Variants in CEP89 observed in about 807,000 individuals in gnomAD.
The protein encoded by CEP89 is centrosomal protein 89, also known as centrosomal protein of 89 kDa.
Under a neutral mutation model 97.6 loss-of-function variants are expected in CEP89, and 95 were observed. The observed-to-expected ratio is 0.97, with a 90% CI of 0.82 to 1.15. The LOEUF (loss-of-function observed/expected upper bound fraction) is 1.15. Among genes scored for constraint, CEP89 ranks in the 50% most tolerant of loss-of-function variants. The probability of loss-of-function intolerance (pLI) is 0.00; values close to 1 mark genes in which losing one functional copy is unlikely to be tolerated. For missense variants in CEP89, 869 were observed against 947.7 expected (o/e 0.92, Z 1.09); for synonymous variants, 354 against 349.1 (o/e 1.01, Z -0.16).
rs182891141 is a variant in CEP89, at chr19:32,936,542, C to T, written c.667+1089G>A. Among the ~76,000 whole-genome samples, 5 of 152,256 alleles carry T rather than the reference C, an allele frequency of 3.3e-5. No homozygotes were observed. In the East Asian group the frequency reaches 9.7e-4, roughly 29 times the overall value. Reference sequence around the variant, plus strand: ...GGGACTGCAGTAGGAACTTATGGTGCCTTTTCCAGGCCCACCCATGGCCAC... The same window carrying T: ...GGGACTGCAGTAGGAACTTATGGTGTCTTTTCCAGGCCCACCCATGGCCAC... On this transcript the variant is annotated intron_variant, in intron 7 of 18. Coordinates refer to ENST00000305768, the MANE Select transcript of CEP89 (RefSeq NM_032816.5). This position sits in a 1 kb window ranked among gnomAD's most constrained non-coding sequence, Gnocchi z 4.5.
intron 5 of CEP89, among the ~76,000 whole-genome samples, chr19:32,941,692 C>T (rs1347540684): frequency 6.6e-6 from 1 of 152,092 alleles, no homozygotes; most frequent in African/African-American, 2.4e-5. Context: ...CCTGCCCTGT[C>T]CTTCTGAGTT....
intron 5 of CEP89, among the ~76,000 whole-genome samples, chr19:32,944,703 G>A (rs1007279589): frequency 6.6e-6 from 1 of 152,180 alleles, no homozygotes; most frequent in Non-Finnish European, 1.5e-5. Context: ...GGTCTGCAGA[G>A]AATCTAGGAA....
chr19:32,884,534 T>C (rs562580032), intron 17 of CEP89, among the ~76,000 whole-genome samples: 1 of 152,332 alleles, frequency 6.6e-6, no homozygotes, highest in South Asian at 2.1e-4. Context: ...AGTCTTTTTC[T>C]TTGCTTTTTT....
At chr19:32,881,639 A>G (rs1969283249) in intron 18 of CEP89, among the ~76,000 whole-genome samples, 1 of 152,258 alleles carries the variant, frequency 6.6e-6, no homozygotes, top group East Asian at 1.9e-4. Flanking sequence ...CCGGAAGTCC[A>G]GTTCAAACAA....
At chr19:32,939,462 A>C (rs1053612689) in intron 6 of CEP89, among the ~76,000 whole-genome samples, 6 of 152,058 alleles carry the variant, frequency 3.9e-5, no homozygotes, top group Non-Finnish European at 8.8e-5. Context: ...AGATCACTTG[A>C]GCTCAGGAGT....
Position 32,948,377 on chromosome 19 carries a change from T to C in CEP89, c.493-9A>G, listed in dbSNP as rs1232899016. On this transcript the variant is annotated splice_polypyrimidine_tract_variant and intron_variant, in intron 4 of 18. Coordinates refer to ENST00000305768, the MANE Select transcript of CEP89 (RefSeq NM_032816.5). Reference sequence around the variant, plus strand: ...TCATGTAACAATGGCACCTTTTTGTTATAAAAGACAAAGGAGCAAAAAAGT... The same window carrying C: ...TCATGTAACAATGGCACCTTTTTGTCATAAAAGACAAAGGAGCAAAAAAGT... 4 of 1,578,884 alleles carry C rather than the reference T, an allele frequency of 2.5e-6. No individual in the cohort carries two copies. In the Admixed American group the frequency reaches 7.2e-5, roughly 28 times the overall value.
intron 14 of CEP89, among the ~76,000 whole-genome samples, chr19:32,905,959 C>T (rs531869175): frequency 7.9e-5 from 12 of 152,308 alleles, no homozygotes; most frequent in Admixed American, 2.6e-4. Flanking sequence ...GACTGAGCCA[C>T]CATGCCTGGC....
Position 32,877,471 on chromosome 19 carries a change from G to A in CEP89, c.*1691C>T, listed in dbSNP as rs1262788696. ...TGGGACTGAATGGTCCTGAGCGGCT[G>A]GGGTAATTTTCCTGAGGAGGTGGCA... On this transcript the variant is annotated 3_prime_UTR_variant, in exon 19 of 19. Transcript: ENST00000305768. 6.6e-6 allele frequency: 1 copy of A among 152,074 alleles called. No homozygotes were observed. The highest frequency in any genetic ancestry group is 1.5e-5 in the Non-Finnish European group (1 of 68,112). The allele number at this position is 152,074 out of a possible 1,614,324, so 9.4% of individuals were successfully genotyped here. A position where few individuals can be genotyped will look rare whatever the true frequency, so the allele number is the denominator to read the frequency against.
At position 32,922,389 on chromosome 19, in the gene CEP89, A is replaced by T. The variant is rs193124532; in HGVS notation, c.1268+1050T>A. On this transcript the variant is annotated intron_variant, in intron 12 of 18. Transcript: ENST00000305768. ...AGACTCTGTATCTACAAAAAATTTTAAAAAATGGCTGGGCATGGTAGCACA... is the reference window on the plus strand; with the variant it reads ...AGACTCTGTATCTACAAAAAATTTTTAAAAATGGCTGGGCATGGTAGCACA... Among the ~76,000 whole-genome samples, 903 of 152,170 alleles carry T rather than the reference A, an allele frequency of 5.9e-3. 9 individuals are homozygous for T. The highest frequency in any genetic ancestry group is 0.017 in the African/African-American group (714 of 41,514).
rs1969209716 is a variant in CEP89, at chr19:32,878,491, G to A, written c.*671C>T. The A allele has an allele frequency of 6.6e-6, 1 of 152,222 alleles. No individual in the cohort carries two copies. Among genetic ancestry groups the A allele is most frequent in the South Asian group, 2.1e-4 (1 of 4,818 alleles). The allele number at this position is 152,222 out of a possible 1,614,324, so 9.4% of individuals were successfully genotyped here. On this transcript the variant is annotated 3_prime_UTR_variant, in exon 19 of 19. Coordinates refer to ENST00000305768, the MANE Select transcript of CEP89 (RefSeq NM_032816.5). ...TTCCCCATCTGACACATGGCACGAG[G>A]GCTCAGCTGCCCGCCCAACCCTTCC...
chr19:32,918,188 T>A (rs1017444607), intron 13 of CEP89, 36 bp downstream of exon 13: 2 of 1,466,388 alleles, frequency 1.4e-6, no homozygotes, highest in East Asian at 2.3e-5. Flanking sequence ...AATAGTGACA[T>A]CAATGCATGA....
At chr19:32,961,671 T>C (rs2145971453) in intron 2 of CEP89, among the ~76,000 whole-genome samples, 1 of 151,510 alleles carries the variant, frequency 6.6e-6, no homozygotes, top group South Asian at 2.1e-4. Context: ...TTTGAGACGA[T>C]CTCACTCTGT....
chr19:32,907,491 G>A (rs992671511), intron 14 of CEP89, among the ~76,000 whole-genome samples: 12 of 145,962 alleles, frequency 8.2e-5, no homozygotes, highest in African/African-American at 2.1e-4. Context: ...TCACTTTGTC[G>A]CCCAGGCTGG....
intron 2 of CEP89, chr19:32,963,869 C>T (rs1226110027): frequency 6.6e-6 from 1 of 151,738 alleles, no homozygotes; most frequent in Admixed American, 6.6e-5. Flanking sequence ...AAACTAACCA[C>T]TGACTGTCCA....
In CEP89 at chr19:32,938,828, T is replaced by C. The variant is rs552280077; in HGVS notation, c.624+1029A>G. 3.6e-4 allele frequency among the ~76,000 whole-genome samples: 55 copies of C among 152,236 alleles called. No individual in the cohort carries two copies. The South Asian group carries it at 0.011, about 29-fold the overall frequency. Reference sequence around the variant, plus strand: ...AGCTGGGCATGGTGGCATGCACCTGTGGTCCTAGCTACTCGGGAGGATGAG... The same window carrying C: ...AGCTGGGCATGGTGGCATGCACCTGCGGTCCTAGCTACTCGGGAGGATGAG... On this transcript the variant is annotated intron_variant, in intron 6 of 18. Coordinates refer to ENST00000305768, the MANE Select transcript of CEP89 (RefSeq NM_032816.5).
intron 15 of CEP89, 108 bp from the exon 16 acceptor site, chr19:32,900,106 C>A: frequency 9.9e-7 from 1 of 1,008,842 alleles, no homozygotes; most frequent in Admixed American, 2.2e-5. Flanking sequence ...CATTTAAATG[C>A]TATTCTTCAG....
At chr19:32,939,112 G>A (rs1284334196) in intron 6 of CEP89, among the ~76,000 whole-genome samples, 1 of 151,878 alleles carries the variant, frequency 6.6e-6, no homozygotes, top group Non-Finnish European at 1.5e-5. Flanking sequence ...TTAGCCAGGA[G>A]TGGTGGCATG....
rs575834081 is a variant in CEP89 at position 32,958,535 on chromosome 19, C to T, written c.305+1365G>A. Among the ~76,000 whole-genome samples, 8 of 151,804 alleles carry T rather than the reference C, an allele frequency of 5.3e-5. No homozygotes were observed. In the East Asian group the frequency reaches 1.4e-3, roughly 26 times the overall value. On this transcript the variant is annotated intron_variant, in intron 3 of 18. Transcript: ENST00000305768. ...CTCTACTAAAAATACAAAAATTAGC[C>T]GGGAGAGGTGGCACACGCCTGTAAT...
intron 14 of CEP89, among the ~76,000 whole-genome samples, chr19:32,902,436 G>A (rs191541549): frequency 1.2e-4 from 19 of 152,272 alleles, no homozygotes; most frequent in Middle Eastern, 3.4e-3. Flanking sequence ...CTGGATTAAC[G>A]ATAAAAGGTT....
Sources: gnomAD v4.1 joint callset for allele counts (sites outside exome capture counted in the v4.1 genomes callset) on GRCh38, gnomAD v4.1.1 for gene constraint, Gnocchi (gnomAD v3.1) non-coding constraint, MANE v1.5 for transcripts, NCBI Gene and HGNC (gene_info 2026-07-23, HGNC 2026-07-21) for gene names.